Variants in NSUN6 observed in about 807,000 individuals in gnomAD.
The protein encoded by NSUN6 is NOP2/Sun RNA methyltransferase 6.
In NSUN6, 64 loss-of-function variants were observed where a neutral mutation model predicts 58.0. The ratio of observed to expected loss-of-function variants is 1.10; its 90% CI spans 0.90 to 1.36. The LOEUF (loss-of-function observed/expected upper bound fraction) is 1.36, where lower values mean the gene tolerates loss of function less well. Among genes scored for constraint, NSUN6 ranks in the 40% most tolerant of loss-of-function variants. The probability of loss-of-function intolerance (pLI) is 0.00; values close to 1 mark genes in which losing one functional copy is unlikely to be tolerated. For synonymous variants in NSUN6, 231 were observed against 193.9 expected (o/e 1.19, Z -1.59); for missense variants, 701 against 550.1 (o/e 1.27, Z -2.74).
intron 3 of NSUN6, among the ~76,000 whole-genome samples, chr10:18,619,309 C>G (rs553947353): frequency 6.6e-6 from 1 of 152,178 alleles, no homozygotes; most frequent in South Asian, 2.1e-4. Context: ...ACCTTTATGA[C>G]GGAGGGAACT....
At chr10:18,637,836 ATTTTT>A (rs2059268141) in intron 3 of NSUN6, among the ~76,000 whole-genome samples, 1 of 152,264 alleles carries the variant, frequency 6.6e-6, no homozygotes, top group African/African-American at 2.4e-5. Context: ...TCCATTATAT[ATTTTT>A]AAGTGAACAC....
In NSUN6 at chr10:18,551,832, G is replaced by A; in HGVS notation, c.1062C>T (p.Leu354=). Residue 354 remains leucine, a synonymous_variant, in exon 9 of 11, where the codon CTC becomes CTT. Transcript: ENST00000377304. The part of the protein sequence containing the change: ...VASYQPLQRK[L]FTAAVQLLKP... ...ACAGACCACCACATACTGCAGTGAA[G>A]AGTTTTCGCTGTAATGGCTGATATG... is the stretch of plus-strand genomic sequence containing the variant. 1.2e-6 allele frequency: 2 copies of A among 1,613,016 alleles called. No individual in the cohort carries two copies. The highest frequency in any genetic ancestry group is 1.7e-6 in the Non-Finnish European group (2 of 1,179,424).
chr10:18,596,082 C>T (rs905470800), intron 7 of NSUN6, 126 bp downstream of exon 7: 4 of 727,888 alleles, frequency 5.5e-6, no homozygotes, highest in Non-Finnish European at 9.4e-6. Context: ...ACTGACATAA[C>T]TGAATAGTTT....
upstream of NSUN6, chr10:18,658,450 G>A (rs2130531): frequency 0.21 from 32,078 of 154,170 alleles, 3,633 homozygotes; most frequent in South Asian, 0.31. Context: ...AGGACATTCA[G>A]TTTCGTTTCA....
At chr10:18,603,035 G>A (rs1254601863) in intron 6 of NSUN6, among the ~76,000 whole-genome samples, 1 of 152,148 alleles carries the variant, frequency 6.6e-6, no homozygotes, top group African/African-American at 2.4e-5. Flanking sequence ...GCTCACTCCT[G>A]TAATCTCAAC....
At chr10:18,628,869 G>A (rs2058925437) in intron 3 of NSUN6, among the ~76,000 whole-genome samples, 2 of 152,078 alleles carry the variant, frequency 1.3e-5, no homozygotes, top group South Asian at 4.1e-4. Flanking sequence ...CTCTAGCAAG[G>A]CAGGCCAACA....
At chr10:18,585,799 C>CACAAA (rs2057106190) in intron 8 of NSUN6, 150 bp downstream of exon 8, 6 of 562,874 alleles carry the variant, frequency 1.1e-5, no homozygotes, top group South Asian at 2.8e-5. Context: ...TTCAAATTAC[C>CACAAA]ACAAGGATAA....
In NSUN6 at chr10:18,566,518, C is replaced by T. The variant is rs1422478907; in HGVS notation, c.923-14547G>A. 2.7e-5 allele frequency among the ~76,000 whole-genome samples: 4 copies of T among 148,594 alleles called. No individual in the cohort carries two copies. The Admixed American group carries it at 2.7e-4, about 10-fold the overall frequency. ...TTCCATTCCATTCTCCATTCTATTC[C>T]ACTCCATTCTACATTCCTGTCCAAT... On this transcript the variant is annotated intron_variant, in intron 8 of 10. Coordinates refer to ENST00000377304, the MANE Select transcript of NSUN6 (RefSeq NM_182543.5).
chr10:18,564,389 G>A (rs545157469), intron 8 of NSUN6, among the ~76,000 whole-genome samples: 30 of 128,724 alleles, frequency 2.3e-4, no homozygotes, highest in East Asian at 4.8e-4. Context: ...CCATTCTCCC[G>A]TCCATTTTTC....
upstream of NSUN6, among the ~76,000 whole-genome samples, chr10:18,656,762 A>G (rs1048163364): frequency 1.3e-5 from 2 of 150,466 alleles, no homozygotes; most frequent in African/African-American, 2.4e-5. Flanking sequence ...TGGGATTCCA[A>G]TTTAATTAAA....
chr10:18,617,301 C>A (rs890688802), intron 3 of NSUN6, among the ~76,000 whole-genome samples: 4 of 151,318 alleles, frequency 2.6e-5, no homozygotes, highest in Admixed American at 2.0e-4. Context: ...GATTCTCATG[C>A]CTCAGCCTCC....
intron 3 of NSUN6, among the ~76,000 whole-genome samples, chr10:18,631,934 C>T (rs2131487411): frequency 1.3e-5 from 2 of 152,264 alleles, no homozygotes; most frequent in South Asian, 2.1e-4. Flanking sequence ...CAAAAGAGAG[C>T]CCACATCACC....
intron 6 of NSUN6, among the ~76,000 whole-genome samples, chr10:18,606,025 A>G (rs1220368851): frequency 1.3e-5 from 2 of 152,214 alleles, no homozygotes; most frequent in African/African-American, 4.8e-5. Flanking sequence ...GGGGGAAAAA[A>G]AGAAATTACA....
intron 5 of NSUN6, among the ~76,000 whole-genome samples, chr10:18,610,279 C>G (rs1398034996): frequency 6.6e-6 from 1 of 151,966 alleles, no homozygotes; most frequent in Non-Finnish European, 1.5e-5. Flanking sequence ...ACCTGGGAGG[C>G]AGAGGTTGCA....
chr10:18,565,578 C>T (rs2055865720), intron 8 of NSUN6, among the ~76,000 whole-genome samples: 1 of 151,250 alleles, frequency 6.6e-6, no homozygotes, highest in Non-Finnish European at 1.5e-5. Flanking sequence ...ATTCTCCATT[C>T]CATTCAGCAC....
chr10:18,579,153 T>C (rs950633847), intron 8 of NSUN6, among the ~76,000 whole-genome samples: 1 of 152,180 alleles, frequency 6.6e-6, no homozygotes, highest in Non-Finnish European at 1.5e-5. Flanking sequence ...AGTTTAAGAA[T>C]ACTCATATTT....
chr10:18,620,755 C>A lies in NSUN6; in HGVS notation c.312-4462G>T, dbSNP rs927519853. 5.3e-5 allele frequency among the ~76,000 whole-genome samples: 8 copies of A among 152,224 alleles called. No homozygotes were observed. In the South Asian group the frequency reaches 1.7e-3, roughly 31 times the overall value. ...CAATAGCATTTAATTTATACTTCTA[C>A]TGTGACTATCATAACAGTCTGACTT... is the stretch of plus-strand genomic sequence containing the variant. On this transcript the variant is annotated intron_variant, in intron 3 of 10. Transcript: ENST00000377304.
intron 8 of NSUN6, among the ~76,000 whole-genome samples, chr10:18,580,943 A>C (rs1257804540): frequency 6.6e-6 from 1 of 152,208 alleles, no homozygotes; most frequent in East Asian, 1.9e-4. Context: ...TTTATTAGAA[A>C]GTTTAAAGCA....
intron 4 of NSUN6, among the ~76,000 whole-genome samples, chr10:18,614,891 A>G (rs549751447): frequency 6.6e-6 from 1 of 152,240 alleles, no homozygotes; most frequent in South Asian, 2.1e-4. Context: ...AGCTGAGCCA[A>G]ATTATTTCCC....
Sources: allele counts gnomAD v4.1 joint callset (sites outside exome capture counted in the v4.1 genomes callset), GRCh38; gene constraint gnomAD v4.1.1; transcripts MANE v1.5; gene names NCBI Gene and HGNC (gene_info 2026-07-23, HGNC 2026-07-21).